Variants in AGO4 observed in about 807,000 individuals in gnomAD.
AGO4 encodes the protein argonaute RISC component 4.
Under a neutral mutation model 104.7 loss-of-function variants are expected in AGO4, and 33 were observed. That is an observed-to-expected ratio of 0.32 (90% CI 0.24 to 0.42). The LOEUF is 0.42. Ranked by LOEUF, AGO4 falls within the 10% of genes least tolerant of loss-of-function variation. The pLI, the probability that AGO4 is intolerant of heterozygous loss-of-function variation, is 1.00. For missense variants in AGO4, 711 were observed against 1,083.4 expected (o/e 0.66, Z 4.83); for synonymous variants, 331 against 364.7 (o/e 0.91, Z 1.05).
intron 17 of AGO4, among the ~76,000 whole-genome samples, chr1:35,851,409 T>C (rs1034585976): frequency 9.9e-5 from 15 of 152,208 alleles, no homozygotes; most frequent in African/African-American, 3.4e-4. Context: ...TTCCACTTCA[T>C]GCAAGTGAGG....
In AGO4 at chr1:35,850,136, AC is replaced by A; in HGVS notation, c.2176-20del. On this transcript the variant is annotated intron_variant, in intron 15 of 17. Coordinates refer to ENST00000373210, the MANE Select transcript of AGO4 (RefSeq NM_017629.4). ...CAGTTTGGCACTTTGATGACTAATT[AC>A]TTTTTTTTGTTTTTTGTAGGTAGGG... is the stretch of plus-strand genomic sequence containing the variant. 6.5e-7 allele frequency: 1 copy of A among 1,537,758 alleles called. No individual in the cohort carries two copies. The highest frequency in any genetic ancestry group is 8.8e-7 in the Non-Finnish European group (1 of 1,135,514).
At chr1:35,826,922 C>A in intron 7 of AGO4, 87 bp downstream of exon 7, 1 of 1,384,112 alleles carries the variant, frequency 7.2e-7, no homozygotes, top group Non-Finnish European at 9.9e-7. Context: ...TGGTTATTGG[C>A]CGGGCACAGT....
intron 13 of AGO4, among the ~76,000 whole-genome samples, chr1:35,836,907 T>C (rs1644327793): frequency 1.3e-5 from 2 of 152,120 alleles, no homozygotes. Context: ...ACACTGAGAG[T>C]TCTACTTGCT....
chr1:35,816,798 CAAA>C (rs72065876), intron 1 of AGO4, 81 bp from the exon 2 acceptor site: 7,242 of 1,011,666 alleles, frequency 7.2e-3, no homozygotes, highest in South Asian at 0.013. Context: ...AACTCTGTCT[CAAA>C]AAAAAAAAAA....
Position 35,822,072 on chromosome 1 carries a change from G to T in AGO4, c.186-790G>T, listed in dbSNP as rs143493811. On this transcript the variant is annotated intron_variant, in intron 2 of 17. Coordinates refer to ENST00000373210, the MANE Select transcript of AGO4 (RefSeq NM_017629.4). The stretch of plus-strand genomic sequence containing the variant: ...TTCTATTTTTTTTAGTTGAGACTGG[G>T]TTTCACTGTGTTGGCCAGGCTAGTC... Among the ~76,000 whole-genome samples the T allele has an allele frequency of 3.0e-3, 461 of 151,994 alleles. 4 individuals carry two copies. Among genetic ancestry groups the T allele is most frequent in the African/African-American group, 0.011 (446 of 41,434 alleles).
At chr1:35,818,175 T>C (rs994577291) in intron 2 of AGO4, among the ~76,000 whole-genome samples, 3 of 152,200 alleles carry the variant, frequency 2.0e-5, no homozygotes, top group African/African-American at 7.2e-5. Flanking sequence ...TATATACATA[T>C]ACATGCATAT....
At chr1:35,830,551 A>T (rs563951088) in intron 7 of AGO4, among the ~76,000 whole-genome samples, 16 of 152,320 alleles carry the variant, frequency 1.1e-4, no homozygotes, top group South Asian at 6.2e-4. Flanking sequence ...TTATTTTTTT[A>T]AAATTCTTCT....
At chr1:35,828,493 C>T (rs924125038) in intron 7 of AGO4, among the ~76,000 whole-genome samples, 1 of 152,042 alleles carries the variant, frequency 6.6e-6, no homozygotes, top group African/African-American at 2.4e-5. Flanking sequence ...TTTCCATTTC[C>T]CCAATCTCAT....
intron 1 of AGO4, among the ~76,000 whole-genome samples, chr1:35,815,845 T>G (rs1183982899): frequency 1.3e-5 from 2 of 152,190 alleles, no homozygotes; most frequent in Non-Finnish European, 2.9e-5. Context: ...TTGCCAAATG[T>G]TTCCTGGGGA....
At chr1:35,840,774 C>T (rs1324913610) in intron 13 of AGO4, among the ~76,000 whole-genome samples, 2 of 152,148 alleles carry the variant, frequency 1.3e-5, no homozygotes, top group East Asian at 3.9e-4. Flanking sequence ...GGCGCTGCCA[C>T]GCTGGGCTTT....
At position 35,841,129 on chromosome 1, in the gene AGO4, A is replaced by G. The variant is rs753337311; in HGVS notation, c.1725-36A>G. On this transcript the variant is annotated intron_variant, in intron 13 of 17. Coordinates refer to ENST00000373210, the MANE Select transcript of AGO4 (RefSeq NM_017629.4). The surrounding 1 kb of genome is among the most constrained non-coding windows in gnomAD (Gnocchi z 4.7). The stretch of plus-strand genomic sequence containing the variant: ...GCTAAACTCAAACATTTTCACTTAT[A>G]TGTCTGAGTGGCAACATCTCCTTAA... The G allele has an allele frequency of 8.8e-6, 14 of 1,587,132 alleles. No homozygotes were observed. In the African/African-American group the frequency reaches 1.9e-4, roughly 21 times the overall value.
intron 17 of AGO4, among the ~76,000 whole-genome samples, chr1:35,851,856 A>G (rs920984787): frequency 5.3e-5 from 8 of 152,218 alleles, no homozygotes; most frequent in Admixed American, 3.9e-4. Context: ...TGCTAGAATT[A>G]CTAAGATGAG....
Position 35,808,170 on chromosome 1 carries a change from T to TGGCGGCGGC in AGO4, c.-229_-221dup, listed in dbSNP as rs544199267. On this transcript the variant is annotated 5_prime_UTR_variant, in exon 1 of 18. Transcript: ENST00000373210. This position sits in a 1 kb window ranked among gnomAD's most constrained non-coding sequence, Gnocchi z 5.2. ...CGCTGGCTCCCGCTCCCGCTCCCGT[T>TGGCGGCGGC]GGCGGCGGCGGCGGCGGCGGCGGCG... 8.0e-3 allele frequency: 1,262 copies of TGGCGGCGGC among 158,020 alleles called. 22 individuals carry two copies. The highest frequency in any genetic ancestry group is 0.029 in the African/African-American group (1,155 of 40,280). The allele number at this position is 158,020 out of a possible 1,614,324, so 9.8% of individuals were successfully genotyped here.
chr1:35,850,071 G>T (rs1644663728), intron 15 of AGO4, 86 bp from the exon 16 acceptor site: 2 of 793,048 alleles, frequency 2.5e-6, no homozygotes, highest in African/African-American at 3.5e-5. Context: ...TTACCAACTT[G>T]CTCCCAATTA....
chr1:35,814,617 T>G (rs1210837834), intron 1 of AGO4, among the ~76,000 whole-genome samples: 1 of 152,116 alleles, frequency 6.6e-6, no homozygotes, highest in African/African-American at 2.4e-5. Flanking sequence ...TTTCTTATAC[T>G]TGCTCTATGG....
At chr1:35,825,085 C>G (rs1643980998) in intron 3 of AGO4, among the ~76,000 whole-genome samples, 1 of 152,114 alleles carries the variant, frequency 6.6e-6, no homozygotes, top group Non-Finnish European at 1.5e-5. Context: ...ATAATGTTTT[C>G]AAGCGTCATC....
At chr1:35,814,386 G>A (rs1015659478) in intron 1 of AGO4, among the ~76,000 whole-genome samples, 7 of 151,816 alleles carry the variant, frequency 4.6e-5, no homozygotes, top group South Asian at 2.1e-4. Flanking sequence ...TACATGTGCC[G>A]TGTTGGTGTG....
chr1:35,815,694 A>G (rs1643669682), intron 1 of AGO4, among the ~76,000 whole-genome samples: 3 of 152,160 alleles, frequency 2.0e-5, no homozygotes, highest in Non-Finnish European at 1.5e-5. Context: ...TCTCAGCACT[A>G]TTGATATTTT....
intron 17 of AGO4, 118 bp downstream of exon 17, chr1:35,851,171 C>A: frequency 1.9e-6 from 2 of 1,056,740 alleles, no homozygotes; most frequent in Non-Finnish European, 2.7e-6. Context: ...TTGTAAGAAG[C>A]AAATAAAATT....
Sources: gnomAD v4.1 joint callset for allele counts (sites outside exome capture counted in the v4.1 genomes callset) on GRCh38, gnomAD v4.1.1 for gene constraint, Gnocchi (gnomAD v3.1) non-coding constraint, MANE v1.5 for transcripts, NCBI Gene and HGNC (gene_info 2026-07-23, HGNC 2026-07-21) for gene names.